The following LPP variants were observed in gnomAD, a reference collection of about 807,000 sequenced individuals.
LPP encodes the protein LIM domain containing preferred translocation partner in lipoma, also known as lipoma-preferred partner.
In LPP, 38 loss-of-function variants were observed where a neutral mutation model predicts 60.4. That is an observed-to-expected ratio of 0.63 (90% confidence interval 0.49 to 0.83). LPP has a LOEUF of 0.83. Ranked by LOEUF, LPP falls within the 40% of genes least tolerant of loss-of-function variation. The pLI is 0.00. For missense variants in LPP, 902 were observed against 783.6 expected (o/e 1.15, Z -1.80); for synonymous variants, 328 against 290.8 (o/e 1.13, Z -1.30).
intron 9 of LPP, among the ~76,000 whole-genome samples, chr3:188,856,546 C>A (rs1030197019): frequency 2.6e-5 from 4 of 152,210 alleles, no homozygotes; most frequent in African/African-American, 9.6e-5. Flanking sequence ...TATCTATTTA[C>A]ATTCTTAAAC....
intron 6 of LPP, among the ~76,000 whole-genome samples, chr3:188,548,954 C>T (rs1001340520): frequency 1.3e-5 from 2 of 152,026 alleles, no homozygotes; most frequent in East Asian, 1.9e-4. Flanking sequence ...TTCTATACCA[C>T]GTGGGATAAC....
At chr3:188,391,634 C>T (rs780375376) in intron 3 of LPP, among the ~76,000 whole-genome samples, 1 of 151,988 alleles carries the variant, frequency 6.6e-6, no homozygotes. Flanking sequence ...CAAAACTGCA[C>T]AAAATTATTC....
chr3:188,430,650 G>C (rs889069608), intron 4 of LPP, among the ~76,000 whole-genome samples: 10 of 152,256 alleles, frequency 6.6e-5, no homozygotes, highest in African/African-American at 2.4e-4. Flanking sequence ...GCAGATGACT[G>C]AACATCCTTA....
intron 2 of LPP, among the ~76,000 whole-genome samples, chr3:188,281,742 C>T (rs1331982351): frequency 6.6e-6 from 1 of 151,940 alleles, no homozygotes; most frequent in African/African-American, 2.4e-5. Flanking sequence ...CAAGAAGTTA[C>T]CGTCATTAGC....
chr3:188,798,644 T>C (rs1347780042), intron 9 of LPP, among the ~76,000 whole-genome samples: 1 of 152,230 alleles, frequency 6.6e-6, no homozygotes, highest in Non-Finnish European at 1.5e-5. Flanking sequence ...CTTTCGGTAC[T>C]GCTCAGTGAG....
In LPP at chr3:188,889,692, C is replaced by G. The variant is rs1365148329; in HGVS notation, c.*15213C>G. ...ACCATTCTCTTTTCCATATAAGGAG[C>G]CCCATTACATAAGCTACGGGTGAGG... On this transcript the variant is annotated 3_prime_UTR_variant, in exon 12 of 12. Transcript: ENST00000617246. 3 of 222,060 alleles carry G rather than the reference C, an allele frequency of 1.4e-5. No homozygotes were observed. Among genetic ancestry groups the G allele is most frequent in the Non-Finnish European group, 2.7e-5 (3 of 111,100 alleles). 13.8% of individuals were successfully genotyped at this position (222,060 alleles called of 1,614,324 possible). A position where few individuals can be genotyped will look rare whatever the true frequency, so the allele number is the denominator to read the frequency against.
chr3:188,358,644 G>A (rs952475842), intron 3 of LPP, among the ~76,000 whole-genome samples: 1 of 152,160 alleles, frequency 6.6e-6, no homozygotes, highest in African/African-American at 2.4e-5. Context: ...GTCTAATGCT[G>A]TTGAGTTTAG....
At chr3:188,613,298 CTA>C (rs71732299) in intron 7 of LPP, among the ~76,000 whole-genome samples, 2,480 of 119,094 alleles carry the variant, frequency 0.021, 33 homozygotes, top group Non-Finnish European at 0.027. Context: ...ATATCTATAT[CTA>C]TATCTATATC....
At chr3:188,839,587 C>T (rs3901459) in intron 9 of LPP, among the ~76,000 whole-genome samples, 8,696 of 152,250 alleles carry the variant, frequency 0.057, 262 homozygotes, top group African/African-American at 0.072. Context: ...ACCAGCCTCA[C>T]TACTTAAATC....
intron 6 of LPP, among the ~76,000 whole-genome samples, chr3:188,550,805 A>G (rs1212495301): frequency 6.6e-6 from 1 of 152,048 alleles, no homozygotes; most frequent in East Asian, 1.9e-4. Context: ...TTATTTCTAG[A>G]ATGTATTCAA....
intron 4 of LPP, among the ~76,000 whole-genome samples, chr3:188,482,578 T>C (rs933813637): frequency 2.3e-4 from 35 of 150,076 alleles, no homozygotes; most frequent in African/African-American, 8.0e-4. Context: ...TCACTCCCTG[T>C]CTTCTATCCC....
chr3:188,800,948 A>G (rs1298860012), intron 9 of LPP, among the ~76,000 whole-genome samples: 1 of 151,966 alleles, frequency 6.6e-6, no homozygotes, highest in Non-Finnish European at 1.5e-5. Flanking sequence ...ACCCTTTGTC[A>G]GTGGCTAATT....
intron 9 of LPP, among the ~76,000 whole-genome samples, chr3:188,784,109 C>T (rs867973836): frequency 1.2e-4 from 18 of 151,568 alleles, no homozygotes; most frequent in Middle Eastern, 6.8e-3. Context: ...CAAAGTCCGT[C>T]GTATCATTCT....
chr3:188,549,291 A>T (rs1052679177), intron 6 of LPP, among the ~76,000 whole-genome samples: 1 of 152,130 alleles, frequency 6.6e-6, no homozygotes, highest in Non-Finnish European at 1.5e-5. Context: ...GCTGGAATAC[A>T]TCATCCCCAC....
At chr3:188,580,465 T>C (rs560363298) in intron 6 of LPP, among the ~76,000 whole-genome samples, 1 of 152,308 alleles carries the variant, frequency 6.6e-6, no homozygotes, top group African/African-American at 2.4e-5. Context: ...CTTCTCCTTA[T>C]GAGATGGCTG....
intron 2 of LPP, among the ~76,000 whole-genome samples, chr3:188,255,869 A>G (rs1731487569): frequency 6.6e-6 from 1 of 152,166 alleles, no homozygotes; most frequent in Non-Finnish European, 1.5e-5. Context: ...CCTCATTAAC[A>G]TTGTAGGCAA....
chr3:188,806,885 C>T (rs1346771005), intron 9 of LPP, among the ~76,000 whole-genome samples: 2 of 151,834 alleles, frequency 1.3e-5, no homozygotes, highest in African/African-American at 4.8e-5. Context: ...AAATACACAG[C>T]ACATTGATAC....
At chr3:188,415,615 T>TA (rs1367253260) in intron 4 of LPP, among the ~76,000 whole-genome samples, 1 of 152,006 alleles carries the variant, frequency 6.6e-6, no homozygotes, top group South Asian at 2.1e-4. Context: ...CATTCAGCAG[T>TA]AAAAAAGAAT....
intron 7 of LPP, among the ~76,000 whole-genome samples, chr3:188,646,162 G>A (rs1271472583): frequency 1.3e-5 from 2 of 152,168 alleles, no homozygotes; most frequent in Admixed American, 1.3e-4. Context: ...CAGCCTGCTA[G>A]GGACAGATAC....
Sources: gnomAD v4.1 joint callset for allele counts (sites outside exome capture counted in the v4.1 genomes callset) on GRCh38, gnomAD v4.1.1 for gene constraint, MANE v1.5 for transcripts, NCBI Gene and HGNC (gene_info 2026-07-23, HGNC 2026-07-21) for gene names.